WDR49: variants seen among roughly 807,000 people sequenced by gnomAD.
WDR49 encodes the protein WD repeat domain 49, also known as cilia- and flagella-associated protein 337.
In WDR49, 107 loss-of-function variants were observed where a neutral mutation model predicts 119.5. The ratio of observed to expected loss-of-function variants is 0.90; its 90% CI spans 0.77 to 1.05. The LOEUF (loss-of-function observed/expected upper bound fraction) is 1.05, where lower values mean the gene tolerates loss of function less well. Among genes scored for constraint, WDR49 ranks in the 50% least tolerant of loss-of-function variants. The pLI, the probability that WDR49 is intolerant of heterozygous loss-of-function variation, is 0.00. For missense variants in WDR49, 1,240 were observed against 1,220.5 expected, an observed-to-expected ratio of 1.02 and a Z score of -0.24; for synonymous variants, 425 against 418.8, an observed-to-expected ratio of 1.01 and a Z score of -0.18.
chr3:167,580,748 T>C (rs192072756), intron 7 of WDR49, among the ~76,000 whole-genome samples: 144 of 152,300 alleles, frequency 9.5e-4, no homozygotes, highest in African/African-American at 3.4e-3. Context: ...AATATCTAGT[T>C]ATTATCTGAG....
At chr3:167,604,791 T>G (rs1446356918) in intron 5 of WDR49, among the ~76,000 whole-genome samples, 3 of 152,018 alleles carry the variant, frequency 2.0e-5, no homozygotes, top group African/African-American at 7.2e-5. Context: ...CAAGGAAGCT[T>G]GTTTGCTGCT....
chr3:167,579,047 C>T (rs1714400836), intron 7 of WDR49, among the ~76,000 whole-genome samples: 1 of 151,996 alleles, frequency 6.6e-6, no homozygotes, highest in African/African-American at 2.4e-5. Context: ...TGGCTTTTCC[C>T]CTACTCGCAC....
chr3:167,584,524 A>G (rs116831360), intron 7 of WDR49, among the ~76,000 whole-genome samples: 2,475 of 152,278 alleles, frequency 0.016, 70 homozygotes, highest in African/African-American at 0.057. Flanking sequence ...GAATTACCCT[A>G]CCTGGCATCA....
intron 7 of WDR49, among the ~76,000 whole-genome samples, chr3:167,600,611 A>G (rs1187771900): frequency 6.6e-6 from 1 of 152,166 alleles, no homozygotes; most frequent in East Asian, 1.9e-4. Context: ...TTCAATACTG[A>G]TGCATCTTAA....
intron 8 of WDR49, among the ~76,000 whole-genome samples, chr3:167,574,901 G>A (rs1714149829): frequency 2.0e-5 from 3 of 152,120 alleles, no homozygotes; most frequent in Admixed American, 2.0e-4. Flanking sequence ...TTTTCCCGCA[G>A]ATGGAATTCA....
At chr3:167,492,235 A>G (rs1008837662) in intron 18 of WDR49, among the ~76,000 whole-genome samples, 1 of 152,124 alleles carries the variant, frequency 6.6e-6, no homozygotes. Context: ...TTTAAATGAA[A>G]ATAATAAAAA....
At chr3:167,640,116 A>G (rs1717810749) in intron 2 of WDR49, among the ~76,000 whole-genome samples, 1 of 151,828 alleles carries the variant, frequency 6.6e-6, no homozygotes, top group Non-Finnish European at 1.5e-5. Flanking sequence ...AAAGGGGGAG[A>G]AAGAAATGGA....
At chr3:167,494,771 T>A (rs1031817479) in intron 18 of WDR49, among the ~76,000 whole-genome samples, 6 of 152,208 alleles carry the variant, frequency 3.9e-5, no homozygotes, top group African/African-American at 1.2e-4. Context: ...TGGCCAGTCT[T>A]TCCCATAGGA....
chr3:167,549,435 G>A (rs1374020620), intron 10 of WDR49, among the ~76,000 whole-genome samples: 3 of 152,126 alleles, frequency 2.0e-5, no homozygotes, highest in South Asian at 2.1e-4. Context: ...GCATTTATCC[G>A]ATGGACAGCA....
chr3:167,568,412 T>A (rs532028307), intron 8 of WDR49, among the ~76,000 whole-genome samples: 1 of 152,204 alleles, frequency 6.6e-6, no homozygotes, highest in African/African-American at 2.4e-5. Flanking sequence ...GCCTTTCTTA[T>A]AGCAACCTGC....
chr3:167,611,243 G>C (rs1297167157), intron 5 of WDR49, among the ~76,000 whole-genome samples: 2 of 152,136 alleles, frequency 1.3e-5, no homozygotes, highest in African/African-American at 4.8e-5. Context: ...CTTTGTGTTT[G>C]TTTATGCAAA....
intron 10 of WDR49, among the ~76,000 whole-genome samples, chr3:167,539,203 A>G (rs1711644886): frequency 6.6e-6 from 1 of 152,206 alleles, no homozygotes; most frequent in Non-Finnish European, 1.5e-5. Context: ...ATTTCAAAAA[A>G]AGAATTCAAA....
intron 3 of WDR49, among the ~76,000 whole-genome samples, chr3:167,622,257 C>T (rs903108719): frequency 1.3e-5 from 2 of 151,986 alleles, no homozygotes; most frequent in African/African-American, 4.8e-5. Flanking sequence ...AAGTATGTGG[C>T]TGGGTGTGAT....
chr3:167,533,016 A>G lies in WDR49; in HGVS notation c.1955-39T>C, dbSNP rs574840575. On this transcript the variant is annotated intron_variant, in intron 11 of 18. Coordinates refer to ENST00000682715, the MANE Select transcript of WDR49 (RefSeq NM_001366157.1). ...GATGGAGAATATAAATTGCCAGGAG[A>G]TTAAGATAGAAAATATGAGCAACAG... is the stretch of plus-strand genomic sequence containing the variant. 1.2e-5 allele frequency: 17 copies of G among 1,450,104 alleles called. No individual in the cohort carries two copies. In the South Asian group the frequency reaches 1.9e-4, roughly 16 times the overall value. The allele number at this position is 1,450,104 out of a possible 1,614,324, so 89.8% of individuals were successfully genotyped here.
chr3:167,571,341 GTGATTAATATA>G (rs1326489787), intron 8 of WDR49, among the ~76,000 whole-genome samples: 1 of 152,156 alleles, frequency 6.6e-6, no homozygotes, highest in Non-Finnish European at 1.5e-5. Flanking sequence ...AACCAAGTAT[GTGATTAATATA>G]TTAGAGGTTA....
intron 3 of WDR49, among the ~76,000 whole-genome samples, chr3:167,625,708 A>G (rs1467640784): frequency 6.6e-6 from 1 of 152,070 alleles, no homozygotes. Context: ...TACTGACTGA[A>G]GAAAACATAA....
chr3:167,531,022 G>A, intron 13 of WDR49, 93 bp downstream of exon 13: 1 of 1,308,342 alleles, frequency 7.6e-7, no homozygotes. Context: ...TTAGCTACGT[G>A]CAGTCAAATT....
intron 2 of WDR49, among the ~76,000 whole-genome samples, chr3:167,639,504 G>A (rs1030229241): frequency 1.9e-4 from 29 of 151,654 alleles, no homozygotes; most frequent in African/African-American, 6.5e-4. Flanking sequence ...TTTTCTTTAG[G>A]ATAACATGGT....
intron 5 of WDR49, among the ~76,000 whole-genome samples, chr3:167,607,773 A>T (rs1396795309): frequency 6.6e-6 from 1 of 152,068 alleles, no homozygotes; most frequent in African/African-American, 2.4e-5. Context: ...CCCCTAATTT[A>T]TCTTGAGTCT....
Sources: gnomAD v4.1 joint callset for allele counts (sites outside exome capture counted in the v4.1 genomes callset) on GRCh38, gnomAD v4.1.1 for gene constraint, MANE v1.5 for transcripts, NCBI Gene and HGNC (gene_info 2026-07-23, HGNC 2026-07-21) for gene names.